CDYL: variants seen among roughly 807,000 people sequenced by gnomAD.
The protein encoded by CDYL is chromodomain Y like.
Under a neutral mutation model 47.3 loss-of-function variants are expected in CDYL, and 8 were observed. The ratio of observed to expected loss-of-function variants is 0.17; its 90% CI spans 0.10 to 0.31. The LOEUF (loss-of-function observed/expected upper bound fraction) is 0.31. Among genes scored for constraint, CDYL ranks in the 10% least tolerant of loss-of-function variants. CDYL has a pLI of 1.00. For missense variants in CDYL, 471 were observed against 701.4 expected (o/e 0.67, Z 3.71); for synonymous variants, 266 against 265.0 (o/e 1.00, Z -0.04).
At chr6:4,801,732 T>G (rs562743789) in intron 1 of CDYL, among the ~76,000 whole-genome samples, 56 of 152,332 alleles carry the variant, frequency 3.7e-4, no homozygotes, top group Non-Finnish European at 6.8e-4. Flanking sequence ...TCCCCTAGTT[T>G]CTAGCACTCC....
At chr6:4,923,485 G>GC (rs1757775892) in intron 2 of CDYL, among the ~76,000 whole-genome samples, 1 of 152,094 alleles carries the variant, frequency 6.6e-6, no homozygotes, top group Admixed American at 6.5e-5. Context: ...GGGCACTTAG[G>GC]TTGGTTTCAT....
chr6:4,936,148 C>A (rs945183388), intron 3 of CDYL, among the ~76,000 whole-genome samples: 1 of 152,222 alleles, frequency 6.6e-6, no homozygotes, highest in Admixed American at 6.5e-5. Context: ...TCATCAGATC[C>A]TTAAAGGGTT....
chr6:4,929,482 A>C (rs892702652), intron 2 of CDYL, among the ~76,000 whole-genome samples: 1 of 129,014 alleles, frequency 7.8e-6, no homozygotes, highest in Non-Finnish European at 1.6e-5. Flanking sequence ...TATTTCTGCA[A>C]ATGTTTTACT....
At chr6:4,790,554 A>G (rs930632106) in intron 1 of CDYL, among the ~76,000 whole-genome samples, 4 of 152,234 alleles carry the variant, frequency 2.6e-5, no homozygotes, top group South Asian at 2.1e-4. Context: ...GTCATCATAC[A>G]TGGGATCATT....
chr6:4,858,950 T>G (rs994582526), intron 1 of CDYL, among the ~76,000 whole-genome samples: 2 of 152,256 alleles, frequency 1.3e-5, no homozygotes, highest in Non-Finnish European at 2.9e-5. Flanking sequence ...GTTACCCAGG[T>G]TAAATGTCAG....
intron 1 of CDYL, among the ~76,000 whole-genome samples, chr6:4,854,605 G>T (rs1212774271): frequency 6.6e-6 from 1 of 152,146 alleles, no homozygotes; most frequent in African/African-American, 2.4e-5. Context: ...ACACCACCTG[G>T]AATAAAATAA....
At chr6:4,934,783 A>G (rs1375325242) in intron 2 of CDYL, among the ~76,000 whole-genome samples, 1 of 151,392 alleles carries the variant, frequency 6.6e-6, no homozygotes, top group African/African-American at 2.4e-5. Context: ...GCAACATAGC[A>G]AGACCCCATC....
chr6:4,746,822 G>T (rs1010818238), intron 3 of CDYL, among the ~76,000 whole-genome samples: 1 of 152,120 alleles, frequency 6.6e-6, no homozygotes, highest in Non-Finnish European at 1.5e-5. Flanking sequence ...GAAGAGGACT[G>T]TTGGCCTCCT....
At chr6:4,723,871 G>T (rs777392720) in intron 2 of CDYL, among the ~76,000 whole-genome samples, 1 of 152,214 alleles carries the variant, frequency 6.6e-6, no homozygotes, top group Non-Finnish European at 1.5e-5. Flanking sequence ...AGGTCTAACC[G>T]GTCCCTGCAG....
chr6:4,874,069 T>G (rs1008624886), intron 1 of CDYL, among the ~76,000 whole-genome samples: 2 of 152,166 alleles, frequency 1.3e-5, no homozygotes, highest in Non-Finnish European at 2.9e-5. Flanking sequence ...CTAAAATTCT[T>G]CCCACTCACA....
chr6:4,778,471 T>G (rs992610129), intron 1 of CDYL, among the ~76,000 whole-genome samples: 2 of 152,234 alleles, frequency 1.3e-5, no homozygotes, highest in African/African-American at 4.8e-5. Context: ...CTAACAGAAG[T>G]TATTAATGAG....
chr6:4,741,421 G>A (rs546071024), intron 3 of CDYL, among the ~76,000 whole-genome samples: 1 of 152,246 alleles, frequency 6.6e-6, no homozygotes, highest in South Asian at 2.1e-4. Context: ...TTTTCTCTCA[G>A]TTAAAAGAAA....
chr6:4,895,050 CAT>C (rs1443405343), intron 2 of CDYL, among the ~76,000 whole-genome samples: 10 of 148,138 alleles, frequency 6.8e-5, no homozygotes, highest in South Asian at 4.3e-4. Flanking sequence ...TCTATATACA[CAT>C]GTACATATGG....
At chr6:4,763,915 C>T (rs914403703) in intron 3 of CDYL, among the ~76,000 whole-genome samples, 1 of 152,096 alleles carries the variant, frequency 6.6e-6, no homozygotes, top group African/African-American at 2.4e-5. Flanking sequence ...TGCACTCTAG[C>T]CTGGGCAACA....
chr6:4,917,119 G>A (rs11242983), intron 2 of CDYL, among the ~76,000 whole-genome samples: 105,928 of 152,118 alleles, frequency 0.7, 39,761 homozygotes, highest in South Asian at 0.82. Context: ...TTATCAAATC[G>A]TTTGCTTTCA....
intron 1 of CDYL, among the ~76,000 whole-genome samples, chr6:4,780,430 GC>G (rs550114958): frequency 0.4 from 6,277 of 15,840 alleles, 641 homozygotes; most frequent in African/African-American, 0.52. Context: ...CCCCGCCCCG[GC>G]TAATGTTTTG....
chr6:4,931,580 G>A (rs1365413793), intron 2 of CDYL, among the ~76,000 whole-genome samples: 1 of 152,234 alleles, frequency 6.6e-6, no homozygotes, highest in East Asian at 1.9e-4. Flanking sequence ...GGGGGCATAT[G>A]TGATGATCAG....
rs1417110538 is a variant in CDYL, at chr6:4,935,543, A to G, written c.720A>G (p.Thr240=). 2 of 1,614,248 alleles carry G rather than the reference A, an allele frequency of 1.2e-6. No homozygotes were observed. The highest frequency in any genetic ancestry group is 3.3e-5 in the Admixed American group (2 of 60,036). ...KGTSPFMDAL[T]ANGTTNIQTS... The stretch of plus-strand genomic sequence containing the variant: ...CATCTCCGTTCATGGATGCATTAAC[A>G]GCCAATGGGACAACCAACATACAGA... The change falls in exon 3 of 7, where the codon ACA becomes ACG. Residue 240 remains threonine, a synonymous_variant. Coordinates refer to ENST00000397588, the MANE Select transcript of CDYL (RefSeq NM_004824.4).
intron 2 of CDYL, among the ~76,000 whole-genome samples, chr6:4,723,035 G>A (rs531442540): frequency 6.6e-6 from 1 of 152,266 alleles, no homozygotes; most frequent in East Asian, 1.9e-4. Context: ...TGCCTTCTGT[G>A]TATAAAGTAC....
Sources: gnomAD v4.1 joint callset for allele counts (sites outside exome capture counted in the v4.1 genomes callset) on GRCh38, gnomAD v4.1.1 for gene constraint, MANE v1.5 for transcripts, NCBI Gene and HGNC (gene_info 2026-07-23, HGNC 2026-07-21) for gene names.